The following ARG1 variants were observed in gnomAD, a reference collection of about 807,000 sequenced individuals.
ARG1 encodes arginase-1.
Under a neutral mutation model 33.0 loss-of-function variants are expected in ARG1, and 20 were observed. The observed-to-expected ratio is 0.61, with a 90% CI of 0.43 to 0.88. The LOEUF (loss-of-function observed/expected upper bound fraction) is 0.88. ARG1 is among the 40% of genes least tolerant of loss of function. The pLI is 0.00. For synonymous variants in ARG1, 146 were observed against 140.6 expected (o/e 1.04, Z -0.27); for missense variants, 374 against 384.7 (o/e 0.97, Z 0.23).
rs1441486160 is a variant in ARG1, at chr6:131,581,230, G to C, written c.317G>C (p.Gly106Ala). Residue 106 changes from glycine to alanine, a missense_variant, in exon 4 of 8, where the codon GGA becomes GCA. Physicochemically the swap from Gly to Ala is moderately conservative, Grantham distance 60. Coordinates refer to ENST00000368087, the MANE Select transcript of ARG1 (RefSeq NM_000045.4). ...VLGGDHSLAI[G>A]SISGHARVHP... ...TTTTTCCCCAAAAGTTTGGCAATTG[G>C]AAGCATCTCTGGCCATGCCAGGGTC... The C allele has an allele frequency of 1.9e-6, 3 of 1,613,866 alleles. No homozygotes were observed. In the Admixed American group the frequency reaches 5.0e-5, roughly 27 times the overall value.
chr6:131,574,417 TTG>T, intron 1 of ARG1: 1 of 1,088,784 alleles, frequency 9.2e-7, no homozygotes. Context: ...CAGGGACATT[TTG>T]CTGACACAGA....
In ARG1 at chr6:131,582,678, G is replaced by A; in HGVS notation, c.523G>A (p.Val175Met). ...TCCCTGTATATCTGCCAAGGATATT[G>A]TGTATATTGGCTTGAGAGACGTGGA... ...VTPCISAKDIVYIGLRDVDPG... is the reference protein window; with the variant it reads ...VTPCISAKDIMYIGLRDVDPG... Residue 175 changes from valine to methionine, a missense_variant, in exon 5 of 8, where the codon GTG (valine) becomes ATG (methionine). Physicochemically the swap from Val to Met is conservative, Grantham distance 21 (BLOSUM62 1). Coordinates refer to ENST00000368087, the MANE Select transcript of ARG1 (RefSeq NM_000045.4). 1 of 1,613,872 alleles carries A rather than the reference G, an allele frequency of 6.2e-7. No individual in the cohort carries two copies. Among genetic ancestry groups the A allele is most frequent in the South Asian group, 1.1e-5 (1 of 91,068 alleles).
chr6:131,583,643 T>G, intron 7 of ARG1, 99 bp from the exon 8 acceptor site: 2 of 1,522,568 alleles, frequency 1.3e-6, no homozygotes, highest in Non-Finnish European at 1.8e-6. Context: ...CATCGGTTAC[T>G]ACCTTTTTCT....
At chr6:131,581,792 T>TATCA in intron 4 of ARG1, among the ~76,000 whole-genome samples, 1 of 152,328 alleles carries the variant, frequency 6.6e-6, no homozygotes, top group Middle Eastern at 3.4e-3. Context: ...AGTCCTTCTA[T>TATCA]ATCATAGAGG....
rs941758255 is a variant in ARG1 at position 131,579,614 on chromosome 6, A to C, written c.305+329A>C. ...GCTTATTTGTTCTTAATTGCCGATA[A>C]TATATACAACTCATATAGGTCAACA... On this transcript the variant is annotated intron_variant, in intron 3 of 7. Transcript: ENST00000368087. The C allele has an allele frequency of 1.7e-5, 4 of 235,162 alleles. No individual in the cohort carries two copies. In the South Asian group the frequency reaches 2.2e-4, roughly 13 times the overall value. 14.6% of individuals were successfully genotyped at this position (235,162 alleles called of 1,614,324 possible).
chr6:131,578,700 C>T (rs1773755066), intron 2 of ARG1, among the ~76,000 whole-genome samples: 1 of 151,832 alleles, frequency 6.6e-6, no homozygotes, highest in Admixed American at 6.6e-5. Context: ...CATATATATA[C>T]CGATATATAT....
At chr6:131,580,527 A>T (rs960609996) in intron 3 of ARG1, among the ~76,000 whole-genome samples, 2 of 152,198 alleles carry the variant, frequency 1.3e-5, no homozygotes, top group African/African-American at 4.8e-5. Context: ...AAACCGCAAT[A>T]CTTTTGCACC....
rs1268205686 is a variant in ARG1, at chr6:131,583,046, T to C, written c.561-14T>C. 1 of 1,579,524 alleles carries C rather than the reference T, an allele frequency of 6.3e-7. No homozygotes were observed. The highest frequency in any genetic ancestry group is 8.7e-7 in the Non-Finnish European group (1 of 1,151,538). On this transcript the variant is annotated splice_polypyrimidine_tract_variant and intron_variant, in intron 5 of 7. Coordinates refer to ENST00000368087, the MANE Select transcript of ARG1 (RefSeq NM_000045.4). ...GCCTTATTAATTATAATTATCTTAA[T>C]TTCTCTTTTATAGCTACATTTTGAA... is the stretch of plus-strand genomic sequence containing the variant.
intron 5 of ARG1, 129 bp downstream of exon 5, chr6:131,582,844 T>C (rs1774005572): frequency 1.2e-6 from 1 of 829,054 alleles, no homozygotes; most frequent in African/African-American, 1.7e-5. Context: ...CCCACACACA[T>C]ATATTTATAT....
intron 3 of ARG1, 28 bp from the exon 4 acceptor site, chr6:131,581,191 T>C: frequency 6.2e-7 from 1 of 1,613,000 alleles, no homozygotes; most frequent in Non-Finnish European, 8.5e-7. Context: ...GCAAACCTGA[T>C]GTTCACACAA....
At chr6:131,575,496 G>C (rs1416763759) in intron 1 of ARG1, among the ~76,000 whole-genome samples, 1 of 152,128 alleles carries the variant, frequency 6.6e-6, no homozygotes, top group Non-Finnish European at 1.5e-5. Context: ...TCAGGCAGAG[G>C]ATAGGGCGGG....
At chr6:131,576,775 C>T in intron 2 of ARG1, 40 bp downstream of exon 2, 1 of 1,562,668 alleles carries the variant, frequency 6.4e-7, no homozygotes, top group Non-Finnish European at 8.8e-7. Flanking sequence ...TGATTTCCTC[C>T]CCACTCTGAA....
intron 4 of ARG1, among the ~76,000 whole-genome samples, chr6:131,581,672 A>G (rs191104481): frequency 6.6e-6 from 1 of 152,308 alleles, no homozygotes; most frequent in African/African-American, 2.4e-5. Context: ...AGGTTAACCA[A>G]CTTGCCCAAG....
At chr6:131,583,638 G>C (rs1427207715) in intron 7 of ARG1, 104 bp from the exon 8 acceptor site, 1 of 1,520,092 alleles carries the variant, frequency 6.6e-7, no homozygotes, top group African/African-American at 1.4e-5. Flanking sequence ...TTTTCCATCG[G>C]TTACTACCTT....
At chr6:131,579,399 T>C (rs1773801210) in intron 3 of ARG1, 114 bp downstream of exon 3, 2 of 1,270,546 alleles carry the variant, frequency 1.6e-6, no homozygotes, top group African/African-American at 1.5e-5. Context: ...ATATTTTATA[T>C]CAAATTTTCT....
rs1250527571 is a variant in ARG1, at chr6:131,583,388, T to A, written c.699T>A (p.Val233=). 2 of 1,614,068 alleles carry A rather than the reference T, an allele frequency of 1.2e-6. No homozygotes were observed. Among genetic ancestry groups the A allele is most frequent in the Non-Finnish European group, 1.7e-6 (2 of 1,180,020 alleles). ...GGCCAATTCATCTAAGTTTTGATGTTGACGGACTGGACCCATCTTTCACAC... is the reference window on the plus strand; with the variant it reads ...GGCCAATTCATCTAAGTTTTGATGTAGACGGACTGGACCCATCTTTCACAC... The part of the protein sequence containing the change: ...KKRPIHLSFD[V]DGLDPSFTPA... Residue 233 remains valine, a synonymous_variant, in exon 7 of 8, where the codon GTT becomes GTA. Transcript: ENST00000368087.
At chr6:131,574,589 T>C (rs1773522828) in intron 1 of ARG1, among the ~76,000 whole-genome samples, 1 of 152,166 alleles carries the variant, frequency 6.6e-6, no homozygotes, top group Admixed American at 6.5e-5. Context: ...TGTCTCATGA[T>C]TGTAAGGACT....
chr6:131,583,242 T>C lies in ARG1; in HGVS notation c.665+78T>C, dbSNP rs972023880. 10 of 1,597,554 alleles carry C rather than the reference T, an allele frequency of 6.3e-6. No individual in the cohort carries two copies. In the African/African-American group the frequency reaches 1.3e-4, roughly 21 times the overall value. Reference sequence around the variant, plus strand: ...CTGACAACCAAAGTTATTAATAAAGTCTTTACATGAAATAATGGGTTGCTA... The same window carrying C: ...CTGACAACCAAAGTTATTAATAAAGCCTTTACATGAAATAATGGGTTGCTA... On this transcript the variant is annotated intron_variant, in intron 6 of 7. Transcript: ENST00000368087.
intron 3 of ARG1, among the ~76,000 whole-genome samples, chr6:131,580,001 C>G (rs1045212335): frequency 1.3e-5 from 2 of 152,090 alleles, no homozygotes; most frequent in Non-Finnish European, 2.9e-5. Context: ...GGGGTTACAT[C>G]GCTATATACG....
Sources: gnomAD v4.1 joint callset for allele counts (sites outside exome capture counted in the v4.1 genomes callset) on GRCh38, gnomAD v4.1.1 for gene constraint, MANE v1.5 for transcripts, NCBI Gene and HGNC (gene_info 2026-07-23, HGNC 2026-07-21) for gene names.